The following SH3TC2 variants were observed in gnomAD, a reference collection of about 807,000 sequenced individuals.
SH3TC2 encodes the protein SH3 domain and tetratricopeptide repeat-containing protein 2.
Under a neutral mutation model 124.5 loss-of-function variants are expected in SH3TC2, and 87 were observed. The ratio of observed to expected loss-of-function variants is 0.70; its 90% CI spans 0.59 to 0.84. The LOEUF is 0.84. Among genes scored for constraint, SH3TC2 ranks in the 40% least tolerant of loss-of-function variants. The pLI, the probability that SH3TC2 is intolerant of heterozygous loss-of-function variation, is 0.00. For synonymous variants in SH3TC2, 634 were observed against 628.5 expected (o/e 1.01, Z -0.13); for missense variants, 1,536 against 1,566.4 (o/e 0.98, Z 0.33).
Position 149,028,336 on chromosome 5 carries a change from T to C in SH3TC2, c.1396A>G (p.Asn466Asp), listed in dbSNP as rs2127397625. ...LSTGQEEEAENFAPILAFLDH... is the reference protein window; with the variant it reads ...LSTGQEEEAEDFAPILAFLDH... ...AGAAAAGCCAATATGGGGGCGAAGT[T>C]CTCAGCCTCCTCCTCCTGACCAGTG... is the stretch of plus-strand genomic sequence containing the variant. The change falls in exon 11 of 17, where the codon AAC becomes GAC. Residue 466 changes from asparagine to aspartate, a missense_variant. Transcript: ENST00000515425. The C allele has an allele frequency of 1.9e-6, 3 of 1,614,114 alleles. No homozygotes were observed. The South Asian group carries it at 3.3e-5, about 18-fold the overall frequency.
At chr5:149,035,044 TGAA>T (rs1177968588) in intron 8 of SH3TC2, among the ~76,000 whole-genome samples, 7 of 152,158 alleles carry the variant, frequency 4.6e-5, no homozygotes, top group Admixed American at 1.3e-4. Context: ...AGATACTCTA[TGAA>T]GAAGAAGTGG....
chr5:148,998,327 C>A lies in SH3TC2; in HGVS notation c.*6384G>T, dbSNP rs1753543990. Reference sequence around the variant, plus strand: ...CTATTAATATTAAATACGTTCTTTACCAATGATACACTATTTAGGAAGACA... The same window carrying A: ...CTATTAATATTAAATACGTTCTTTAACAATGATACACTATTTAGGAAGACA... On this transcript the variant is annotated 3_prime_UTR_variant, in exon 17 of 17. Transcript: ENST00000515425. 5.3e-5 allele frequency among the ~76,000 whole-genome samples: 8 copies of A among 152,200 alleles called. No individual in the cohort carries two copies. The highest frequency in any genetic ancestry group is 4.6e-4 in the Admixed American group (7 of 15,278).
At chr5:149,025,310 G>GC in intron 12 of SH3TC2, among the ~76,000 whole-genome samples, 1 of 152,282 alleles carries the variant, frequency 6.6e-6, no homozygotes, top group South Asian at 2.1e-4. Context: ...AGAGTGAGAG[G>GC]AAGACAGACT....
chr5:149,059,908 G>C (rs1028114746), intron 1 of SH3TC2, among the ~76,000 whole-genome samples: 2 of 152,144 alleles, frequency 1.3e-5, no homozygotes, highest in South Asian at 2.1e-4. Flanking sequence ...AGATAACATG[G>C]CATAATGCAA....
At chr5:149,030,693 C>T (rs1314313190) in intron 9 of SH3TC2, among the ~76,000 whole-genome samples, 2 of 152,248 alleles carry the variant, frequency 1.3e-5, no homozygotes, top group East Asian at 1.9e-4. Context: ...CTCTCAACTC[C>T]CTGCTCTACT....
Position 148,994,604 on chromosome 5 carries a change from T to TTAGA in SH3TC2, c.*10106_*10107insTCTA, listed in dbSNP as rs1391433856. Among the ~76,000 whole-genome samples, 15 of 3,878 alleles carry TTAGA rather than the reference T, an allele frequency of 3.9e-3. No homozygotes were observed. Among genetic ancestry groups the TTAGA allele is most frequent in the Admixed American group, 0.027 (12 of 444 alleles). 2.5% of individuals were successfully genotyped at this position (3,878 alleles called of 152,430 possible). ...TGTGGGTGGTTGGGTGGTTAGATGG[T>TTAGA]TGGTTGGTTGGTTGGTTGGTTGGTT... On this transcript the variant is annotated 3_prime_UTR_variant, in exon 17 of 17. Transcript: ENST00000515425.
intron 13 of SH3TC2, among the ~76,000 whole-genome samples, chr5:149,010,598 T>C (rs1753768202): frequency 6.6e-6 from 1 of 152,188 alleles, no homozygotes; most frequent in Admixed American, 6.5e-5. Flanking sequence ...TTATGAGAGA[T>C]TGCTTTTGGT....
rs150135768 is a variant in SH3TC2, at chr5:149,028,403, C to A, written c.1329G>T (p.Glu443Asp). The change falls in exon 11 of 17, where the codon GAG (glutamate) becomes GAT (aspartate). Residue 443 changes from glutamate to aspartate, a missense_variant. Physicochemically the swap from Glu to Asp is conservative, Grantham distance 45. Coordinates refer to ENST00000515425, the MANE Select transcript of SH3TC2 (RefSeq NM_024577.4). Reference sequence around the variant, plus strand: ...GTTCCGGGTCATCAAGGTCATCAGGCTCCGGCAGGCGATAGCTGTCTGAGG... The same window carrying A: ...GTTCCGGGTCATCAAGGTCATCAGGATCCGGCAGGCGATAGCTGTCTGAGG... ...SATSDSYRLPEPDDLDDPELL... is the reference protein window; with the variant it reads ...SATSDSYRLPDPDDLDDPELL... 1.2e-6 allele frequency: 2 copies of A among 1,614,016 alleles called. No homozygotes were observed. Among genetic ancestry groups the A allele is most frequent in the East Asian group, 4.5e-5 (2 of 44,866 alleles).
chr5:149,038,311 C>G lies in SH3TC2; in HGVS notation c.985G>C (p.Asp329His), dbSNP rs761054631. 1 of 1,614,048 alleles carries G rather than the reference C, an allele frequency of 6.2e-7. No homozygotes were observed. The highest frequency in any genetic ancestry group is 8.5e-7 in the Non-Finnish European group (1 of 1,179,910). Residue 329 changes from aspartate to histidine, a missense_variant, in exon 8 of 17, where the codon GAT becomes CAT. Coordinates refer to ENST00000515425, the MANE Select transcript of SH3TC2 (RefSeq NM_024577.4). The part of the protein sequence containing the change: ...GFVPTRNIDP[D>H]SYSPMSRNSA... ...AATACTCACATTGGGGAATAAGAAT[C>G]AGGATCTATGTTCCTGGTGGGGACA...
rs889310625 is a variant in SH3TC2 at position 149,003,543 on chromosome 5, G to A, written c.*1168C>T. ...GCAGCCCCAGCTGATTGCAGCCTGTGAACCACCCTAAGCTGGTGGGCTCAG... is the reference window on the plus strand; with the variant it reads ...GCAGCCCCAGCTGATTGCAGCCTGTAAACCACCCTAAGCTGGTGGGCTCAG... On this transcript the variant is annotated 3_prime_UTR_variant, in exon 17 of 17. Transcript: ENST00000515425. 3 of 158,394 alleles carry A rather than the reference G, an allele frequency of 1.9e-5. No homozygotes were observed. The highest frequency in any genetic ancestry group is 4.8e-5 in the African/African-American group (2 of 41,658). The allele number at this position is 158,394 out of a possible 1,614,324, so 9.8% of individuals were successfully genotyped here. A position where few individuals can be genotyped will look rare whatever the true frequency, so the allele number is the denominator to read the frequency against.
At chr5:149,053,047 C>T (rs1290807406) in intron 1 of SH3TC2, among the ~76,000 whole-genome samples, 3 of 152,170 alleles carry the variant, frequency 2.0e-5, no homozygotes, top group Admixed American at 6.5e-5. Context: ...TGTTCAAGAA[C>T]TGTACCATGG....
chr5:149,027,905 G>C lies in SH3TC2; in HGVS notation c.1827C>G (p.Ala609=). 1 of 1,614,016 alleles carries C rather than the reference G, an allele frequency of 6.2e-7. No individual in the cohort carries two copies. The highest frequency in any genetic ancestry group is 1.1e-5 in the South Asian group (1 of 91,086). ...LACLPDRESS[A]KHELDVVAYV... ...AGGCCACCACGTCGAGTTCATGCTT[G>C]GCACTAGACTCACGGTCAGGCAGGC... Residue 609 remains alanine, a synonymous_variant, in exon 11 of 17, where the codon GCC becomes GCG. Coordinates refer to ENST00000515425, the MANE Select transcript of SH3TC2 (RefSeq NM_024577.4).
In SH3TC2 at chr5:149,042,701, T is replaced by C. The variant is rs773041887; in HGVS notation, c.522A>G (p.Ile174Met). Residue 174 changes from isoleucine to methionine, a missense_variant, in exon 5 of 17, where the codon ATA becomes ATG. Coordinates refer to ENST00000515425, the MANE Select transcript of SH3TC2 (RefSeq NM_024577.4). ...HLETIYLGLL[I>M]QEGHFFCRAL... ...CCCCTATGCCACACTCACCTTCCTG[T>C]ATCAGGAGTCCCAGGTATATTGTTT... The C allele has an allele frequency of 3.7e-6, 6 of 1,614,134 alleles. No individual in the cohort carries two copies. In the South Asian group the frequency reaches 6.6e-5, roughly 18 times the overall value.
At position 149,028,233 on chromosome 5, in the gene SH3TC2, C is replaced by T. The variant is rs1754109992; in HGVS notation, c.1499G>A (p.Ser500Asn). ...SFSFLTSSFYSFSEEDEFVAY... is the reference protein window; with the variant it reads ...SFSFLTSSFYNFSEEDEFVAY... The stretch of plus-strand genomic sequence containing the variant: ...CACAAACTCATCCTCCTCAGAGAAG[C>T]TATAAAAGGAAGAAGTGAGGAAAGA... The change falls in exon 11 of 17, where the codon AGC (serine) becomes AAC (asparagine). Residue 500 changes from serine (S) to asparagine (N), a missense_variant. Ser to Asn is a conservative substitution (Grantham distance 46, BLOSUM62 1). This residue lies in a region of SH3TC2 where 1,102 missense variants were observed against 1,098.6 expected (regional missense o/e 1.00). Transcript: ENST00000515425. The T allele has an allele frequency of 6.2e-7, 1 of 1,613,868 alleles. No homozygotes were observed. Among genetic ancestry groups the T allele is most frequent in the Non-Finnish European group, 8.5e-7 (1 of 1,180,036 alleles).
chr5:149,007,157 T>A (rs1359663034), intron 15 of SH3TC2, 80 bp from the exon 16 acceptor site: 1 of 1,390,472 alleles, frequency 7.2e-7, no homozygotes, highest in South Asian at 1.2e-5. Context: ...CCATAAAACT[T>A]TTTGAAGGTC....
intron 12 of SH3TC2, among the ~76,000 whole-genome samples, chr5:149,016,254 T>G (rs1468075595): frequency 6.6e-6 from 1 of 152,180 alleles, no homozygotes; most frequent in African/African-American, 2.4e-5. Context: ...TAAGCCCTGT[T>G]TAAACCAGGA....
chr5:149,031,453 G>C, intron 9 of SH3TC2, 101 bp downstream of exon 9: 1 of 1,516,068 alleles, frequency 6.6e-7, no homozygotes, highest in Non-Finnish European at 9.1e-7. Flanking sequence ...CCAAATTCAT[G>C]AATAGGATTA....
chr5:149,052,303 C>G, intron 1 of SH3TC2, 63 bp from the exon 2 acceptor site: 1 of 1,318,860 alleles, frequency 7.6e-7, no homozygotes, highest in Non-Finnish European at 1.1e-6. Flanking sequence ...AAGTTATAAG[C>G]AAGGCTGTAG....
At chr5:149,041,263 A>G (rs1754367054) in intron 6 of SH3TC2, among the ~76,000 whole-genome samples, 153 bp downstream of exon 6, 1 of 152,206 alleles carries the variant, frequency 6.6e-6, no homozygotes, top group Admixed American at 6.5e-5. Context: ...GTTGTTAAAA[A>G]AGAAAAGAAA....
Sources: gnomAD v4.1 joint callset for allele counts (sites outside exome capture counted in the v4.1 genomes callset) on GRCh38, gnomAD v4.1.1 for gene constraint, gnomAD v4.1.1 regional missense constraint, MANE v1.5 for transcripts, NCBI Gene and HGNC (gene_info 2026-07-23, HGNC 2026-07-21) for gene names.